THSD4: variants seen among roughly 807,000 people sequenced by gnomAD.
THSD4 encodes thrombospondin type-1 domain-containing protein 4.
Under a neutral mutation model 119.0 loss-of-function variants are expected in THSD4, and 69 were observed. The observed-to-expected ratio is 0.58, with a 90% CI of 0.48 to 0.71. The LOEUF is 0.71. Among genes scored for constraint, THSD4 ranks in the 30% least tolerant of loss-of-function variants. The pLI, the probability that THSD4 is intolerant of heterozygous loss-of-function variation, is 0.00. For synonymous variants in THSD4, 524 were observed against 540.4 expected (o/e 0.97, Z 0.42); for missense variants, 1,393 against 1,391.1 (o/e 1.00, Z -0.02).
chr15:71,216,169 T>A (rs2043930896), intron 4 of THSD4, among the ~76,000 whole-genome samples: 1 of 152,246 alleles, frequency 6.6e-6, no homozygotes, highest in South Asian at 2.1e-4. Context: ...TGATAGATCC[T>A]GGGAGAATAC....
intron 8 of THSD4, among the ~76,000 whole-genome samples, chr15:71,704,040 G>A (rs1567109987): frequency 2.0e-5 from 3 of 152,036 alleles, no homozygotes; most frequent in South Asian, 2.1e-4. Context: ...AGTAGAGACG[G>A]GGTTTCACCA....
At chr15:71,460,935 C>T (rs1487816655) in intron 7 of THSD4, among the ~76,000 whole-genome samples, 7 of 152,134 alleles carry the variant, frequency 4.6e-5, no homozygotes, top group African/African-American at 1.7e-4. Flanking sequence ...CATGGTAGCT[C>T]TATGTTAACC....
At chr15:71,586,023 A>C (rs1216493234) in intron 7 of THSD4, among the ~76,000 whole-genome samples, 3 of 152,088 alleles carry the variant, frequency 2.0e-5, no homozygotes, top group African/African-American at 7.2e-5. Flanking sequence ...TAGCTCATTA[A>C]CTTTAAGATG....
intron 6 of THSD4, among the ~76,000 whole-genome samples, chr15:71,345,508 C>T (rs779622316): frequency 5.9e-4 from 90 of 152,274 alleles, no homozygotes; most frequent in African/African-American, 2.1e-3. Flanking sequence ...TCACACATAA[C>T]GAGAAATCTG....
At chr15:71,733,372 T>A (rs1278456994) in intron 10 of THSD4, 1 of 151,966 alleles carries the variant, frequency 6.6e-6, no homozygotes, top group African/African-American at 2.4e-5. Flanking sequence ...GTCTACAAAA[T>A]AGAAGAAAAA....
upstream of THSD4, chr15:71,111,530 C>G: frequency 2.5e-6 from 2 of 792,682 alleles, no homozygotes; most frequent in Non-Finnish European, 4.0e-6. Flanking sequence ...TTGACCAACT[C>G]TCAAAGTGTT....
At chr15:71,447,986 A>G (rs2047210652) in intron 7 of THSD4, among the ~76,000 whole-genome samples, 1 of 152,188 alleles carries the variant, frequency 6.6e-6, no homozygotes, top group African/African-American at 2.4e-5. Flanking sequence ...TCCTCTGGTA[A>G]ACAGTAGCTT....
intron 8 of THSD4, among the ~76,000 whole-genome samples, chr15:71,672,522 A>G (rs149068847): frequency 1.8e-4 from 27 of 152,172 alleles, no homozygotes; most frequent in African/African-American, 5.5e-4. Flanking sequence ...TTCCAACACT[A>G]TGTTGAATAG....
At chr15:71,736,538 TCTGTCTCTCTCTCTCG>T (rs1398459311) in intron 10 of THSD4, among the ~76,000 whole-genome samples, 1 of 152,056 alleles carries the variant, frequency 6.6e-6, no homozygotes, top group Non-Finnish European at 1.5e-5. Context: ...TCTCTTGCTC[TCTGTCTCTCTCTCTCG>T]CTGTCTCTCT....
At chr15:71,191,155 T>G (rs1173374415) in intron 3 of THSD4, among the ~76,000 whole-genome samples, 1 of 152,144 alleles carries the variant, frequency 6.6e-6, no homozygotes, top group Non-Finnish European at 1.5e-5. Flanking sequence ...GTGGGAGCAT[T>G]TCCCCAGGGC....
intron 6 of THSD4, among the ~76,000 whole-genome samples, chr15:71,349,249 A>G (rs553211394): frequency 2.3e-4 from 35 of 152,376 alleles, no homozygotes; most frequent in Middle Eastern, 3.4e-3. Context: ...TTGTATACAA[A>G]ATGTAAATTG....
intron 7 of THSD4, among the ~76,000 whole-genome samples, chr15:71,613,715 G>A (rs17795492): frequency 0.048 from 7,347 of 152,142 alleles, 258 homozygotes; most frequent in Middle Eastern, 0.085. Context: ...GCACACACAG[G>A]ATCATATCTC....
intron 6 of THSD4, among the ~76,000 whole-genome samples, chr15:71,272,919 AG>A (rs906217253): frequency 6.6e-6 from 1 of 152,148 alleles, no homozygotes; most frequent in African/African-American, 2.4e-5. Context: ...ATATGGAGAA[AG>A]GGGAACCTTT....
chr15:71,370,632 C>T (rs1202390417), intron 6 of THSD4, among the ~76,000 whole-genome samples: 1 of 152,202 alleles, frequency 6.6e-6, no homozygotes, highest in Non-Finnish European at 1.5e-5. Context: ...TTTGATTGCA[C>T]TGTGGTCTGA....
chr15:71,546,389 C>T (rs2048838280), intron 7 of THSD4, among the ~76,000 whole-genome samples: 2 of 152,126 alleles, frequency 1.3e-5, no homozygotes, highest in Admixed American at 1.3e-4. Flanking sequence ...TTCAGGATAA[C>T]AGGTGACCAT....
chr15:71,667,413 C>T (rs1297981184), intron 8 of THSD4, among the ~76,000 whole-genome samples: 2 of 152,124 alleles, frequency 1.3e-5, no homozygotes, highest in Non-Finnish European at 2.9e-5. Context: ...AGAAATCAGA[C>T]ATAAAAGCAT....
chr15:71,487,318 G>A (rs557074570), intron 7 of THSD4, among the ~76,000 whole-genome samples: 2 of 152,226 alleles, frequency 1.3e-5, no homozygotes, highest in Non-Finnish European at 2.9e-5. Context: ...GCAAGAAATT[G>A]TGTTGTTTTC....
intron 7 of THSD4, among the ~76,000 whole-genome samples, chr15:71,612,754 T>G (rs1461694390): frequency 4.0e-5 from 6 of 151,736 alleles, no homozygotes; most frequent in Non-Finnish European, 8.8e-5. Flanking sequence ...CAACAGAGAG[T>G]CAATGCATTG....
chr15:71,481,144 G>GA (rs200883224), intron 7 of THSD4, among the ~76,000 whole-genome samples: 1 of 151,922 alleles, frequency 6.6e-6, no homozygotes, highest in Admixed American at 6.5e-5. Flanking sequence ...TTGATTGGAA[G>GA]AAAAAAAGCT....
Sources: allele counts gnomAD v4.1 joint callset (sites outside exome capture counted in the v4.1 genomes callset), GRCh38; gene constraint gnomAD v4.1.1; transcripts MANE v1.5; gene names NCBI Gene and HGNC (gene_info 2026-07-23, HGNC 2026-07-21).